ATF7IP: variants seen among roughly 807,000 people sequenced by gnomAD.
ATF7IP encodes activating transcription factor 7 interacting protein, also known as activating transcription factor 7-interacting protein 1.
In ATF7IP, 23 loss-of-function variants were observed where a neutral mutation model predicts 106.4. That is an observed-to-expected ratio of 0.22 (90% CI 0.16 to 0.31). ATF7IP has a LOEUF of 0.31. Among genes scored for constraint, ATF7IP ranks in the 10% least tolerant of loss-of-function variants. ATF7IP has a pLI of 1.00. For missense variants in ATF7IP, 1,334 were observed against 1,524.3 expected (o/e 0.88, Z 2.08); for synonymous variants, 542 against 539.0 (o/e 1.01, Z -0.08).
At chr12:14,436,036 G>A (rs1942386315) in intron 3 of ATF7IP, 70 bp from the exon 4 acceptor site, 2 of 1,468,848 alleles carry the variant, frequency 1.4e-6, no homozygotes, top group African/African-American at 2.8e-5. Context: ...ATTTTGCTAA[G>A]GATGGATAAT....
In ATF7IP at chr12:14,424,280, T is replaced by G. The variant is rs1441258049; in HGVS notation, c.365T>G (p.Val122Gly). 1 of 1,614,052 alleles carries G rather than the reference T, an allele frequency of 6.2e-7. No homozygotes were observed. The highest frequency in any genetic ancestry group is 8.5e-7 in the Non-Finnish European group (1 of 1,180,048). The change falls in exon 2 of 15, where the codon GTC becomes GGC. Residue 122 changes from valine to glycine, a missense_variant. Val to Gly is a moderately radical substitution (Grantham distance 109). This residue lies in a region of ATF7IP where 438 missense variants were observed against 405.3 expected (regional missense o/e 1.08). Transcript: ENST00000261168. ...CCCCATAATATAACTCCAGAACCAG[T>G]CTCTAAACTGCCTGCTGAACCAGTT... Reference protein sequence around the residue: ...LSPHNITPEPVSKLPAEPVSG... With the variant: ...LSPHNITPEPGSKLPAEPVSG...
chr12:14,489,484 T>G (rs1431892725), intron 13 of ATF7IP, among the ~76,000 whole-genome samples: 1 of 151,980 alleles, frequency 6.6e-6, no homozygotes, highest in East Asian at 1.9e-4. Flanking sequence ...AAGCAAAAAT[T>G]TTGCAAGTGG....
intron 4 of ATF7IP, 31 bp from the exon 5 acceptor site, chr12:14,438,099 T>C: frequency 6.2e-7 from 1 of 1,601,644 alleles, no homozygotes; most frequent in East Asian, 2.2e-5. Context: ...AATGCCTTCT[T>C]GGCATAATGA....
intron 10 of ATF7IP, among the ~76,000 whole-genome samples, chr12:14,471,221 T>C (rs1221894349): frequency 2.0e-5 from 3 of 152,232 alleles, no homozygotes. Flanking sequence ...TCTTAGTGAA[T>C]GTACCATTAC....
chr12:14,432,113 T>TATGGAGAGGAAACTAACATATGGAGAGGA (rs1942168941), intron 2 of ATF7IP, among the ~76,000 whole-genome samples: 4 of 152,154 alleles, frequency 2.6e-5, no homozygotes, highest in African/African-American at 9.7e-5. Flanking sequence ...GAAACTAACA[T>TATGGAGAGGAAACTAACATATGGAGAGGA]GCGTATAAAA....
intron 1 of ATF7IP, among the ~76,000 whole-genome samples, chr12:14,422,153 C>T (rs1036869334): frequency 4.0e-5 from 6 of 151,544 alleles, no homozygotes; most frequent in Non-Finnish European, 5.9e-5. Flanking sequence ...AAGCTCTTTC[C>T]AAGAAAAAGT....
At chr12:14,480,033 ACTTTCTT>A (rs1242378700) in intron 12 of ATF7IP, among the ~76,000 whole-genome samples, 1 of 152,140 alleles carries the variant, frequency 6.6e-6, no homozygotes, top group Non-Finnish European at 1.5e-5. Context: ...TCTTGTTAAT[ACTTTCTT>A]CTTTCTTCCC....
chr12:14,381,326 G>C (rs1938994549), intron 1 of ATF7IP, among the ~76,000 whole-genome samples: 1 of 152,138 alleles, frequency 6.6e-6, no homozygotes, highest in Non-Finnish European at 1.5e-5. Context: ...CCACCTCCCA[G>C]GTTCAAGTGA....
intron 1 of ATF7IP, among the ~76,000 whole-genome samples, chr12:14,414,676 A>G (rs773899877): frequency 2.0e-5 from 3 of 152,180 alleles, no homozygotes; most frequent in Non-Finnish European, 4.4e-5. Flanking sequence ...GTGTCCTAGA[A>G]TAATGAAAAA....
intron 13 of ATF7IP, among the ~76,000 whole-genome samples, chr12:14,494,287 ATATATATATATATATAT>A (rs1944925725): frequency 7.6e-5 from 1 of 13,218 alleles, no homozygotes; most frequent in African/African-American, 9.3e-4. Flanking sequence ...CTAATAGAAT[ATATATATATATATATAT>A]ATATATATAT....
intron 1 of ATF7IP, among the ~76,000 whole-genome samples, chr12:14,397,177 A>G (rs1306961943): frequency 2.5e-4 from 38 of 152,134 alleles, no homozygotes; most frequent in Non-Finnish European, 1.5e-5. Flanking sequence ...AAAGAAAACC[A>G]AAAACAAACA....
intron 1 of ATF7IP, chr12:14,420,188 G>A (rs1941423097): frequency 6.6e-6 from 1 of 152,196 alleles, no homozygotes; most frequent in Non-Finnish European, 1.5e-5. Context: ...TATAGTATAG[G>A]TTGGGTTATT....
chr12:14,422,340 C>G (rs900005944), intron 1 of ATF7IP, among the ~76,000 whole-genome samples: 1 of 151,290 alleles, frequency 6.6e-6, no homozygotes, highest in African/African-American at 2.4e-5. Flanking sequence ...CACACACACA[C>G]ACACACACAC....
chr12:14,408,116 G>GCGCACA (rs1555113731), intron 1 of ATF7IP, among the ~76,000 whole-genome samples: 1 of 148,982 alleles, frequency 6.7e-6, no homozygotes, highest in South Asian at 2.1e-4. Flanking sequence ...ATATTGATGT[G>GCGCACA]CACACACACA....
intron 9 of ATF7IP, 58 bp downstream of exon 9, chr12:14,461,191 GATT>G: frequency 6.8e-7 from 1 of 1,476,478 alleles, no homozygotes; most frequent in Non-Finnish European, 9.1e-7. Context: ...GCCTTGTAAT[GATT>G]GAACTTTTTT....
At chr12:14,458,706 C>T (rs1943531638) in intron 8 of ATF7IP, among the ~76,000 whole-genome samples, 1 of 151,990 alleles carries the variant, frequency 6.6e-6, no homozygotes, top group African/African-American at 2.4e-5. Flanking sequence ...AACTGTGGTC[C>T]CAGCTACTCA....
chr12:14,378,152 C>T (rs372248177), intron 1 of ATF7IP, among the ~76,000 whole-genome samples: 4 of 144,868 alleles, frequency 2.8e-5, no homozygotes, highest in South Asian at 2.2e-4. Flanking sequence ...GGCTGGAGTG[C>T]GGTGGCATGA....
At chr12:14,453,191 G>T (rs1054517449) in intron 6 of ATF7IP, among the ~76,000 whole-genome samples, 1 of 152,038 alleles carries the variant, frequency 6.6e-6, no homozygotes, top group Admixed American at 6.6e-5. Context: ...AGATGTTTTT[G>T]GGTTAACAAT....
intron 12 of ATF7IP, among the ~76,000 whole-genome samples, chr12:14,479,827 A>G (rs1049460157): frequency 2.0e-5 from 3 of 152,108 alleles, no homozygotes; most frequent in African/African-American, 7.2e-5. Flanking sequence ...TTTCAATACC[A>G]TTGTTCTATC....
Sources: allele counts gnomAD v4.1 joint callset (sites outside exome capture counted in the v4.1 genomes callset), GRCh38; gene constraint gnomAD v4.1.1; regional missense constraint gnomAD v4.1.1; transcripts MANE v1.5; gene names NCBI Gene and HGNC (gene_info 2026-07-23, HGNC 2026-07-21).